The following IFT81 variants were observed in gnomAD, a reference collection of about 807,000 sequenced individuals.
IFT81 encodes intraflagellar transport 81, also known as intraflagellar transport protein 81 homolog.
A neutral mutation model predicts 102.6 loss-of-function variants in IFT81; 72 were observed. That is an observed-to-expected ratio of 0.70 (90% confidence interval 0.58 to 0.85). The LOEUF (loss-of-function observed/expected upper bound fraction) is 0.85. Ranked by LOEUF, IFT81 falls within the 40% of genes least tolerant of loss-of-function variation. IFT81 has a pLI of 0.00. For missense variants in IFT81, 723 were observed against 787.3 expected, an observed-to-expected ratio of 0.92 and a Z score of 0.98; for synonymous variants, 237 against 242.7, an observed-to-expected ratio of 0.98 and a Z score of 0.22.
chr12:110,200,731 C>T (rs924904353), intron 14 of IFT81, among the ~76,000 whole-genome samples: 18 of 152,100 alleles, frequency 1.2e-4, no homozygotes, highest in African/African-American at 4.1e-4. Flanking sequence ...AGGCGGATGA[C>T]GAGGTCAGGA....
At chr12:110,203,743 C>CT in intron 14 of IFT81, 121 bp from the exon 15 acceptor site, 1 of 695,526 alleles carries the variant, frequency 1.4e-6, no homozygotes, top group South Asian at 1.7e-5. Context: ...ATAAATAACT[C>CT]TTAAGTATGC....
Position 110,127,529 on chromosome 12 carries a change from G to A in IFT81, c.144+5G>A. On this transcript the variant is annotated splice_donor_5th_base_variant and intron_variant, in intron 2 of 18. Coordinates refer to ENST00000242591, the MANE Select transcript of IFT81 (RefSeq NM_014055.4). Reference sequence around the variant, plus strand: ...CTGGCTGAGATTGACCCAAAGGTAAGAGTTTTCTCTTTCTTTTTGATGGGT... The same window carrying A: ...CTGGCTGAGATTGACCCAAAGGTAAAAGTTTTCTCTTTCTTTTTGATGGGT... 1 of 1,582,494 alleles carries A rather than the reference G, an allele frequency of 6.3e-7. No homozygotes were observed. Among genetic ancestry groups the A allele is most frequent in the Non-Finnish European group, 8.5e-7 (1 of 1,170,296 alleles).
rs1309471182 is a variant in IFT81, at chr12:110,147,027, ACT to A, written c.1024_1025del (p.Ser342ThrfsTer3). 6.2e-7 allele frequency: 1 copy of A among 1,611,118 alleles called. No individual in the cohort carries two copies. The highest frequency in any genetic ancestry group is 1.3e-5 in the African/African-American group (1 of 74,874). On this transcript the variant is annotated frameshift_variant, in exon 10 of 19. Transcript: ENST00000242591. LOFTEE classifies it high-confidence loss of function. Reference protein sequence around the residue: ...MMRNEPIEGKLSLYRQQASII... With the variant: ...MMRNEPIEGKXSLYRQQASII... Reference sequence around the variant, plus strand: ...TGAGAAATGAGCCCATTGAAGGCAAACTCTCACTGTATAGGCAACAGGTAAGA... The same window carrying A: ...TGAGAAATGAGCCCATTGAAGGCAAACTCACTGTATAGGCAACAGGTAAGA...
chr12:110,217,436 G>A (rs780186335), intron 18 of IFT81, among the ~76,000 whole-genome samples: 1 of 152,124 alleles, frequency 6.6e-6, no homozygotes, highest in Non-Finnish European at 1.5e-5. Context: ...GATTAAAACC[G>A]AAGTCTTCTG....
At position 110,136,848 on chromosome 12, in the gene IFT81, G is replaced by T. The variant is rs1383040754; in HGVS notation, c.769G>T (p.Ala257Ser). 1 of 1,607,962 alleles carries T rather than the reference G, an allele frequency of 6.2e-7. No individual in the cohort carries two copies. The highest frequency in any genetic ancestry group is 8.5e-7 in the Non-Finnish European group (1 of 1,175,034). Residue 257 changes from alanine (A) to serine (S), a missense_variant, in exon 8 of 19, where the codon GCA (alanine) becomes TCA (serine). Ala to Ser is a moderately conservative substitution (Grantham distance 99). Coordinates refer to ENST00000242591, the MANE Select transcript of IFT81 (RefSeq NM_014055.4). Reference sequence around the variant, plus strand: ...AAGCATGCGCCAAGCTGCAGCAGATGCAAAGCCTGAAAGTAAGTGGAAATT... The same window carrying T: ...AAGCATGCGCCAAGCTGCAGCAGATTCAAAGCCTGAAAGTAAGTGGAAATT... Reference protein sequence around the residue: ...LKSMRQAAADAKPESLMKRLE... With the variant: ...LKSMRQAAADSKPESLMKRLE...
chr12:110,179,625 G>A (rs1197195504), intron 11 of IFT81, among the ~76,000 whole-genome samples: 1 of 149,678 alleles, frequency 6.7e-6, no homozygotes, highest in Non-Finnish European at 1.5e-5. Flanking sequence ...GGAGGCTGAG[G>A]CAGGAGAATT....
intron 8 of IFT81, 61 bp from the exon 9 acceptor site, chr12:110,143,321 A>G: frequency 1.0e-6 from 1 of 995,802 alleles, no homozygotes; most frequent in Non-Finnish European, 1.3e-6. Context: ...TTAAAATAGT[A>G]TACAGAATAT....
At chr12:110,132,690 T>C (rs1437483113) in intron 5 of IFT81, 54 bp downstream of exon 5, 8 of 910,804 alleles carry the variant, frequency 8.8e-6, no homozygotes, top group Non-Finnish European at 1.4e-5. Context: ...TAATATTGGA[T>C]TTAGCATTTT....
chr12:110,170,196 A>G (rs1020682094), intron 11 of IFT81, among the ~76,000 whole-genome samples: 1 of 150,754 alleles, frequency 6.6e-6, no homozygotes, highest in African/African-American at 2.4e-5. Context: ...CTCATGATCC[A>G]CCCGCCTTAG....
chr12:110,165,116 G>T (rs1896364295), intron 11 of IFT81, among the ~76,000 whole-genome samples: 1 of 151,494 alleles, frequency 6.6e-6, no homozygotes, highest in Non-Finnish European at 1.5e-5. Flanking sequence ...TTTTTTTTAA[G>T]GGGAAAAAGA....
Position 110,135,378 on chromosome 12 carries a change from C to T in IFT81, c.637C>T (p.Arg213Ter), listed in dbSNP as rs1051497484. 1.1e-5 allele frequency: 17 copies of T among 1,612,990 alleles called. No individual in the cohort carries two copies. The highest frequency in any genetic ancestry group is 2.2e-5 in the South Asian group (2 of 90,972). Residue 213 changes from arginine (R) to a stop codon, truncating the protein, a stop_gained, in exon 7 of 19, where the codon CGA becomes TGA. Coordinates refer to ENST00000242591, the MANE Select transcript of IFT81 (RefSeq NM_014055.4). LOFTEE classifies it high-confidence loss of function. ...GATGCTTAAAATAGCAAGGCAACTT[C>T]GAGTTGAAAAAGAGAGAGAAGAATA... Reference protein sequence around the residue: ...QWMLKIARQLRVEKEREEYLA... With the variant: ...QWMLKIARQL
At chr12:110,201,381 G>A (rs1426811942) in intron 14 of IFT81, among the ~76,000 whole-genome samples, 4 of 147,666 alleles carry the variant, frequency 2.7e-5, no homozygotes, top group Middle Eastern at 3.5e-3. Context: ...CAGCCTGGGC[G>A]ACAAGAGAAA....
At chr12:110,209,756 G>A (rs1188255705) in intron 18 of IFT81, among the ~76,000 whole-genome samples, 1 of 135,516 alleles carries the variant, frequency 7.4e-6, no homozygotes, top group Non-Finnish European at 1.5e-5. Context: ...GTGACAGAGC[G>A]ATACTCCATC....
chr12:110,148,176 T>A (rs1895329162), intron 10 of IFT81, among the ~76,000 whole-genome samples: 2 of 152,172 alleles, frequency 1.3e-5, no homozygotes, highest in African/African-American at 4.8e-5. Context: ...ACTGGTTCAT[T>A]TTTCCCATGA....
rs79746168 is a variant in IFT81 at position 110,143,715 on chromosome 12, A to T, written c.945+170A>T. ...CCTTTATGAGGAATTATAGAATGTT[A>T]TGCTATTACTTAATCCACATGATGT... On this transcript the variant is annotated intron_variant, in intron 9 of 18. Transcript: ENST00000242591. Among the ~76,000 whole-genome samples, 18 of 152,320 alleles carry T rather than the reference A, an allele frequency of 1.2e-4. No individual in the cohort carries two copies. The East Asian group carries it at 2.1e-3, about 18-fold the overall frequency.
At chr12:110,182,683 T>C (rs1897356237) in intron 12 of IFT81, among the ~76,000 whole-genome samples, 1 of 152,206 alleles carries the variant, frequency 6.6e-6, no homozygotes, top group African/African-American at 2.4e-5. Context: ...GCTGATCTAT[T>C]GACATGAGAA....
intron 12 of IFT81, among the ~76,000 whole-genome samples, chr12:110,187,417 C>T (rs989405070): frequency 4.0e-4 from 61 of 152,238 alleles, no homozygotes; most frequent in African/African-American, 1.5e-3. Context: ...GCACCCACCA[C>T]CACACCCGGC....
At chr12:110,164,469 A>G (rs761148497) in intron 11 of IFT81, among the ~76,000 whole-genome samples, 25 of 152,104 alleles carry the variant, frequency 1.6e-4, no homozygotes, top group Non-Finnish European at 3.2e-4. Context: ...TAAATTTTGT[A>G]ACAGCTACTA....
intron 18 of IFT81, chr12:110,216,437 C>T (rs1870133766): frequency 6.7e-6 from 3 of 449,698 alleles, no homozygotes; most frequent in Non-Finnish European, 1.3e-5. Context: ...TCAAGCAATC[C>T]TCCTGCCTTG....
Sources: allele counts gnomAD v4.1 joint callset (sites outside exome capture counted in the v4.1 genomes callset), GRCh38; gene constraint gnomAD v4.1.1; transcripts MANE v1.5; gene names NCBI Gene and HGNC (gene_info 2026-07-23, HGNC 2026-07-21).